The following ACOT7 variants were observed in gnomAD, a reference collection of about 807,000 sequenced individuals.
ACOT7 encodes cytosolic acyl coenzyme A thioester hydrolase.
In ACOT7, 12 loss-of-function variants were observed where a neutral mutation model predicts 40.2. The ratio of observed to expected loss-of-function variants is 0.30; its 90% CI spans 0.19 to 0.48. The LOEUF is 0.48. ACOT7 is among the 20% of genes least tolerant of loss of function. The pLI is 0.99. For missense variants in ACOT7, 395 were observed against 530.8 expected (o/e 0.74, Z 2.51); for synonymous variants, 228 against 219.5 (o/e 1.04, Z -0.34).
Position 6,359,572 on chromosome 1 carries a change from A to ACCTGTGGGC in ACOT7, c.144-9715_144-9707dup, listed in dbSNP as rs1454881242. 6.7e-6 allele frequency among the ~76,000 whole-genome samples: 1 copy of ACCTGTGGGC among 150,362 alleles called. No individual in the cohort carries two copies. The highest frequency in any genetic ancestry group is 2.0e-4 in the East Asian group (1 of 5,102). On this transcript the variant is annotated intron_variant, in intron 1 of 8. Transcript: ENST00000361521. This position sits in a 1 kb window ranked among gnomAD's most constrained non-coding sequence, Gnocchi z 4.1. ...GCGGGCTCTTAGGCTGCCGGCTGCC[A>ACCTGTGGGC]CCTGTGGGCCCTGTGCCCCCCAACC...
chr1:6,344,002 G>T (rs1641348709), intron 2 of ACOT7, among the ~76,000 whole-genome samples: 1 of 152,206 alleles, frequency 6.6e-6, no homozygotes, highest in Non-Finnish European at 1.5e-5. Flanking sequence ...GCCCAACGAT[G>T]TTAAGGCAGG....
intron 1 of ACOT7, among the ~76,000 whole-genome samples, chr1:6,354,995 C>A (rs967502765): frequency 5.9e-5 from 9 of 152,042 alleles, no homozygotes; most frequent in African/African-American, 2.2e-4. Flanking sequence ...AATAAAGACT[C>A]AATCTCCTAG....
intron 6 of ACOT7, among the ~76,000 whole-genome samples, chr1:6,304,946 GC>G (rs1406054324): frequency 2.0e-5 from 3 of 147,690 alleles, no homozygotes; most frequent in Admixed American, 1.3e-4. Flanking sequence ...GGGCAGAGGG[GC>G]TCCTCACTTC....
chr1:6,348,726 T>C (rs907547374), intron 2 of ACOT7, among the ~76,000 whole-genome samples: 4 of 152,200 alleles, frequency 2.6e-5, no homozygotes, highest in Admixed American at 2.0e-4. Flanking sequence ...TGCATTTCCA[T>C]TGTTCACAAG....
At chr1:6,280,388 G>A (rs1018261888) in intron 8 of ACOT7, among the ~76,000 whole-genome samples, 5 of 152,248 alleles carry the variant, frequency 3.3e-5, no homozygotes, top group African/African-American at 9.6e-5. Context: ...TGGGCCGCGC[G>A]AACCCTGTCG....
intron 1 of ACOT7, among the ~76,000 whole-genome samples, chr1:6,350,160 T>C (rs928560278): frequency 3.3e-5 from 5 of 152,202 alleles, no homozygotes; most frequent in East Asian, 1.9e-4. Context: ...GAAGGGCTGA[T>C]GGTGAAGACC....
chr1:6,382,504 AATATGGCTACAAATACGT>A (rs1359703527), intron 1 of ACOT7, among the ~76,000 whole-genome samples: 2 of 151,868 alleles, frequency 1.3e-5, no homozygotes, highest in Admixed American at 6.6e-5. Context: ...AGAGCAAGAA[AATATGGCTACAAATACGT>A]ATATGGTAGC....
intron 4 of ACOT7, among the ~76,000 whole-genome samples, chr1:6,332,349 A>C (rs1376105108): frequency 1.3e-5 from 2 of 152,148 alleles, no homozygotes; most frequent in African/African-American, 2.4e-5. Context: ...TGGACTTGCC[A>C]ATGAACTTGG....
intron 1 of ACOT7, among the ~76,000 whole-genome samples, chr1:6,350,216 G>T (rs571973725): frequency 6.6e-6 from 1 of 152,306 alleles, no homozygotes; most frequent in East Asian, 1.9e-4. Flanking sequence ...AGCCCTTGGG[G>T]TTCCCAGTGA....
At chr1:6,322,460 G>A (rs531395357) in intron 5 of ACOT7, among the ~76,000 whole-genome samples, 14 of 152,352 alleles carry the variant, frequency 9.2e-5, no homozygotes, top group African/African-American at 2.9e-4. Flanking sequence ...CCCGTGTGCT[G>A]GGGCCGCTGT....
At chr1:6,305,265 C>T (rs1640105646) in intron 6 of ACOT7, among the ~76,000 whole-genome samples, 1 of 146,784 alleles carries the variant, frequency 6.8e-6, no homozygotes, top group South Asian at 2.1e-4. Context: ...CCCCCACCTC[C>T]CTCCCGGACG....
chr1:6,327,026 T>C (rs1379746249), intron 5 of ACOT7, among the ~76,000 whole-genome samples: 1 of 151,926 alleles, frequency 6.6e-6, no homozygotes, highest in Non-Finnish European at 1.5e-5. Context: ...GCACACCACC[T>C]GCCTGGCAAT....
At chr1:6,287,604 C>T (rs1639540621) in intron 7 of ACOT7, among the ~76,000 whole-genome samples, 1 of 152,182 alleles carries the variant, frequency 6.6e-6, no homozygotes, top group Non-Finnish European at 1.5e-5. Flanking sequence ...AGTTGTTGAG[C>T]CTGCCTGGAG....
At chr1:6,317,716 G>A (rs1640531686) in intron 6 of ACOT7, among the ~76,000 whole-genome samples, 1 of 150,386 alleles carries the variant, frequency 6.6e-6, no homozygotes, top group African/African-American at 2.5e-5. Context: ...AAAAATGGGT[G>A]CCAGAGTCTT....
Position 6,340,048 on chromosome 1 carries a change from C to T in ACOT7, c.262-459G>A, listed in dbSNP as rs1383230815. On this transcript the variant is annotated intron_variant, in intron 2 of 8. Coordinates refer to ENST00000361521, the MANE Select transcript of ACOT7 (RefSeq NM_007274.4). ...TGGTGCGATCTCCCCTCACTGCAAG[C>T]GCCGCCTCCCAGATTCACGCCATTC... Among the ~76,000 whole-genome samples, 16 of 151,338 alleles carry T rather than the reference C, an allele frequency of 1.1e-4. No homozygotes were observed. The East Asian group carries it at 2.7e-3, about 26-fold the overall frequency.
chr1:6,271,758 G>T (rs1229767813), intron 8 of ACOT7, among the ~76,000 whole-genome samples: 2 of 152,244 alleles, frequency 1.3e-5, no homozygotes, highest in African/African-American at 4.8e-5. Flanking sequence ...TCATTGTGGA[G>T]AGTCATAAAC....
chr1:6,327,406 C>T lies in ACOT7; in HGVS notation c.518G>A (p.Arg173Gln), dbSNP rs1205245789. 9.3e-6 allele frequency: 15 copies of T among 1,613,998 alleles called. No individual in the cohort carries two copies. In the African/African-American group the frequency reaches 1.1e-4, roughly 11 times the overall value. ...VLEVPPVVYS[R>Q]QEQEEEGRKR... is the part of the protein sequence containing the mutation. ...CCGGCCCTCCTCCTCCTGCTCCTGC[C>T]GGGAATACTGCGAGAAACCAAAGAC... is the stretch of plus-strand genomic sequence containing the variant. The change falls in exon 5 of 9, where the codon CGG (arginine) becomes CAG (glutamine). Residue 173 changes from arginine (R) to glutamine (Q), a missense_variant. By Grantham distance (43) the Arg-to-Gln change is conservative. This residue lies in a region of ACOT7 where 309 missense variants were observed against 470.3 expected (regional missense o/e 0.66). Transcript: ENST00000361521.
intron 6 of ACOT7, among the ~76,000 whole-genome samples, chr1:6,318,108 T>C (rs983775239): frequency 6.6e-6 from 1 of 152,202 alleles, no homozygotes; most frequent in Non-Finnish European, 1.5e-5. Flanking sequence ...CAGGCTGAAG[T>C]GCAGTGGCAC....
intron 1 of ACOT7, among the ~76,000 whole-genome samples, chr1:6,387,550 C>A (rs1372263191): frequency 6.6e-6 from 1 of 152,168 alleles, no homozygotes; most frequent in Admixed American, 6.5e-5. Context: ...CATCCTTGAT[C>A]CCCCTCCCCA....
Sources: gnomAD v4.1 joint callset for allele counts (sites outside exome capture counted in the v4.1 genomes callset) on GRCh38, gnomAD v4.1.1 for gene constraint, gnomAD v4.1.1 regional missense constraint, Gnocchi (gnomAD v3.1) non-coding constraint, MANE v1.5 for transcripts, NCBI Gene and HGNC (gene_info 2026-07-23, HGNC 2026-07-21) for gene names.